Variants in C9orf72 observed in about 807,000 individuals in gnomAD.
The protein encoded by C9orf72 is C9orf72-SMCR8 complex subunit.
In C9orf72, 44 loss-of-function variants were observed where a neutral mutation model predicts 51.6. That is an observed-to-expected ratio of 0.85 (90% CI 0.67 to 1.10). The LOEUF is 1.10. Among genes scored for constraint, C9orf72 ranks in the 50% least tolerant of loss-of-function variants. The pLI, the probability that C9orf72 is intolerant of heterozygous loss-of-function variation, is 0.00. For missense variants in C9orf72, 607 were observed against 570.6 expected, an observed-to-expected ratio of 1.06 and a Z score of -0.65; for synonymous variants, 213 against 194.2, an observed-to-expected ratio of 1.10 and a Z score of -0.81.
intron 3 of C9orf72, among the ~76,000 whole-genome samples, chr9:27,564,156 C>CAAAAAAAAAAAAAAAAAAAAAAAAAA: frequency 1.2e-5 from 1 of 86,726 alleles, no homozygotes; most frequent in Non-Finnish European, 2.2e-5. Context: ...TCAACAACAC[C>CAAAAAAAAAAAAAAAAAAAAAAAAAA]AAAAAAAAAA....
chr9:27,558,434 G>A, intron 7 of C9orf72, 57 bp downstream of exon 7: 1 of 895,860 alleles, frequency 1.1e-6, no homozygotes, highest in Non-Finnish European at 1.8e-6. Flanking sequence ...TGTCTATAAA[G>A]AGTCTCAAAA....
intron 8 of C9orf72, among the ~76,000 whole-genome samples, chr9:27,553,254 T>C (rs1412031796): frequency 2.6e-5 from 4 of 152,098 alleles, no homozygotes; most frequent in African/African-American, 9.7e-5. Flanking sequence ...GGAGCCCAAA[T>C]AGCCAAAGCA....
chr9:27,549,885 C>T (rs1461422643), intron 9 of C9orf72, among the ~76,000 whole-genome samples: 1 of 151,462 alleles, frequency 6.6e-6, no homozygotes, highest in Non-Finnish European at 1.5e-5. Flanking sequence ...AGGCTCTTCC[C>T]CATTAATAAG....
chr9:27,571,967 C>T (rs1233511203), intron 1 of C9orf72, among the ~76,000 whole-genome samples: 1 of 152,214 alleles, frequency 6.6e-6, no homozygotes, highest in African/African-American at 2.4e-5. Context: ...CCATTTCTCA[C>T]AGTTCCAAGT....
At chr9:27,573,540 C>CGGCCCCGGCCCT (rs71492753), upstream of C9orf72, 56 of 150,458 alleles carry the variant, frequency 3.7e-4, 1 homozygote, top group African/African-American at 1.3e-3. Flanking sequence ...GCCCCGGCCC[C>CGGCCCCGGCCCT]GGCCCCTAGC....
chr9:27,564,336 TAAGTA>T (rs1361408475), intron 3 of C9orf72, among the ~76,000 whole-genome samples: 1 of 152,252 alleles, frequency 6.6e-6, no homozygotes, highest in South Asian at 2.1e-4. Context: ...GTAGTCAACT[TAAGTA>T]AAGGTTTCTG....
intron 1 of C9orf72, among the ~76,000 whole-genome samples, chr9:27,570,683 T>A (rs375641101): frequency 6.6e-6 from 1 of 151,936 alleles, no homozygotes; most frequent in East Asian, 1.9e-4. Flanking sequence ...CTGGCCAACA[T>A]GGTGAAACCC....
chr9:27,572,088 T>C (rs143034190), intron 1 of C9orf72, among the ~76,000 whole-genome samples: 4 of 152,376 alleles, frequency 2.6e-5, no homozygotes, highest in Admixed American at 6.5e-5. Context: ...GTTTACTTTG[T>C]TTCTCTGAAA....
chr9:27,564,035 G>T (rs1819411958), intron 3 of C9orf72, among the ~76,000 whole-genome samples: 1 of 151,746 alleles, frequency 6.6e-6, no homozygotes, highest in Non-Finnish European at 1.5e-5. Context: ...CTCCTTTTCG[G>T]GAAGAATAAT....
rs1208434491 is a variant in C9orf72, at chr9:27,561,544, T to C, written c.665+41A>G. 3.1e-6 allele frequency: 5 copies of C among 1,607,458 alleles called. No homozygotes were observed. The African/African-American group carries it at 6.7e-5, about 22-fold the overall frequency. ...CTTGTCATAGGTGAGCATAAGATGG[T>C]ATCTGCTTCATCCAGCTTTTATGAA... is the stretch of plus-strand genomic sequence containing the variant. On this transcript the variant is annotated intron_variant, in intron 5 of 10. Transcript: ENST00000380003.
chr9:27,552,911 T>A (rs1454752139), intron 8 of C9orf72, among the ~76,000 whole-genome samples: 1 of 152,178 alleles, frequency 6.6e-6, no homozygotes, highest in Admixed American at 6.5e-5. Context: ...TCATCAAGGA[T>A]ATTGGCCTGA....
At chr9:27,548,743 C>A in intron 9 of C9orf72, 77 bp from the exon 10 acceptor site, 3 of 780,606 alleles carry the variant, frequency 3.8e-6, no homozygotes, top group South Asian at 1.5e-5. Context: ...ACAGTGTTGA[C>A]AGTGCTTGGC....
rs530933212 is a variant in C9orf72, at chr9:27,566,992, G to A, written c.129C>T (p.His43=). 8.5e-5 allele frequency: 137 copies of A among 1,614,066 alleles called. 1 individual carries two copies. In the South Asian group the frequency reaches 1.4e-3, roughly 17 times the overall value. ...WDNILGPRVR[H]IWAPKTEQVL... Reference sequence around the variant, plus strand: ...CCTGTTCTGTCTTTGGAGCCCAAATGTGCCTTACTCTAGGACCAAGAATAT... The same window carrying A: ...CCTGTTCTGTCTTTGGAGCCCAAATATGCCTTACTCTAGGACCAAGAATAT... The change falls in exon 2 of 11, where the codon CAC becomes CAT. Residue 43 remains histidine, a synonymous_variant. Transcript: ENST00000380003.
At chr9:27,561,335 G>A in intron 5 of C9orf72, 1 of 1,249,662 alleles carries the variant, frequency 8.0e-7, no homozygotes, top group Non-Finnish European at 1.0e-6. Flanking sequence ...CCAGAATCAA[G>A]CAAGGGGCCA....
rs1276783877 is a variant in C9orf72, at chr9:27,568,131, G to C, written c.-44-967C>G. 2.7e-5 allele frequency among the ~76,000 whole-genome samples: 4 copies of C among 147,420 alleles called. No individual in the cohort carries two copies. In the East Asian group the frequency reaches 5.9e-4, roughly 22 times the overall value. On this transcript the variant is annotated intron_variant, in intron 1 of 10. Coordinates refer to ENST00000380003, the MANE Select transcript of C9orf72 (RefSeq NM_018325.5). ...AAGACATGGAAATACCACAAGTCTGGAGCCATAACAAAAAATGGGCAAACA... is the reference window on the plus strand; with the variant it reads ...AAGACATGGAAATACCACAAGTCTGCAGCCATAACAAAAAATGGGCAAACA...
intron 1 of C9orf72, among the ~76,000 whole-genome samples, chr9:27,571,709 C>T (rs1030160483): frequency 1.3e-5 from 2 of 152,192 alleles, no homozygotes; most frequent in African/African-American, 4.8e-5. Flanking sequence ...GCCTCCGCCT[C>T]CCAAAGCTCT....
intron 8 of C9orf72, 33 bp from the exon 9 acceptor site, chr9:27,550,740 A>C (rs1167728529): frequency 7.2e-7 from 1 of 1,389,108 alleles, no homozygotes; most frequent in Non-Finnish European, 1.0e-6. Context: ...GAAAAGAAAA[A>C]AGTTCAAATG....
At chr9:27,550,538 T>C (rs2131528871) in intron 9 of C9orf72, 112 bp downstream of exon 9, 1 of 618,732 alleles carries the variant, frequency 1.6e-6, no homozygotes, top group Non-Finnish European at 2.8e-6. Flanking sequence ...TGAGCAGAAC[T>C]CTGGGGCATG....
intron 8 of C9orf72, among the ~76,000 whole-genome samples, chr9:27,553,434 A>G (rs1320739560): frequency 6.6e-6 from 1 of 152,204 alleles, no homozygotes; most frequent in African/African-American, 2.4e-5. Flanking sequence ...GATCTTCAAC[A>G]AAGTTGACAA....
Sources: allele counts gnomAD v4.1 joint callset (sites outside exome capture counted in the v4.1 genomes callset), GRCh38; gene constraint gnomAD v4.1.1; transcripts MANE v1.5; gene names NCBI Gene and HGNC (gene_info 2026-07-23, HGNC 2026-07-21).